CAMKMT: variants seen among roughly 807,000 people sequenced by gnomAD.
CAMKMT encodes CaM KMT.
A neutral mutation model predicts 48.0 loss-of-function variants in CAMKMT; 53 were observed. That is an observed-to-expected ratio of 1.10 (90% confidence interval 0.89 to 1.39). CAMKMT has a LOEUF of 1.39. Ranked by LOEUF, CAMKMT falls within the 40% of genes most tolerant of loss-of-function variation. The pLI, the probability that CAMKMT is intolerant of heterozygous loss-of-function variation, is 0.00. For synonymous variants in CAMKMT, 165 were observed against 152.3 expected (o/e 1.08, Z -0.61); for missense variants, 428 against 402.7 (o/e 1.06, Z -0.54).
intron 8 of CAMKMT, among the ~76,000 whole-genome samples, chr2:44,753,254 A>G (rs1277375752): frequency 5.7e-5 from 6 of 105,242 alleles, no homozygotes; most frequent in Non-Finnish European, 8.8e-5. Context: ...CCCTACAAAA[A>G]AAAAAAAAAA....
At chr2:44,506,840 T>C (rs934356244) in intron 3 of CAMKMT, among the ~76,000 whole-genome samples, 1 of 152,174 alleles carries the variant, frequency 6.6e-6, no homozygotes, top group Non-Finnish European at 1.5e-5. Context: ...TTAGCTAATA[T>C]TACTTTAAAT....
At position 44,372,842 on chromosome 2, in the gene CAMKMT, G is replaced by A. The variant is rs1273801304; in HGVS notation, c.265G>A (p.Val89Ile). Residue 89 changes from valine (V) to isoleucine (I), a missense_variant, in exon 2 of 11, where the codon GTC (valine) becomes ATC (isoleucine). By Grantham distance (29) the Val-to-Ile change is conservative. Coordinates refer to ENST00000378494, the MANE Select transcript of CAMKMT (RefSeq NM_024766.5). Reference sequence around the variant, plus strand: ...AACTGAAGAGGAGGTTGGTGCATGGGTCCAATATACAAGCATCTTCTGTCC... The same window carrying A: ...AACTGAAGAGGAGGTTGGTGCATGGATCCAATATACAAGCATCTTCTGTCC... ...RETEEEVGAWVQYTSIFCPEY... is the reference protein window; with the variant it reads ...RETEEEVGAWIQYTSIFCPEY... The A allele has an allele frequency of 6.2e-7, 1 of 1,613,746 alleles. No homozygotes were observed. Among genetic ancestry groups the A allele is most frequent in the African/African-American group, 1.3e-5 (1 of 74,890 alleles).
intron 2 of CAMKMT, among the ~76,000 whole-genome samples, chr2:44,385,289 C>T (rs758462698): frequency 1.3e-5 from 2 of 151,742 alleles, no homozygotes; most frequent in Non-Finnish European, 2.9e-5. Context: ...ACTTGGTTGC[C>T]GTTGGTGTAT....
chr2:44,508,612 G>A (rs1371259807), intron 3 of CAMKMT, among the ~76,000 whole-genome samples: 1 of 152,144 alleles, frequency 6.6e-6, no homozygotes, highest in African/African-American at 2.4e-5. Flanking sequence ...ATACGTATGT[G>A]TATATGTAGG....
intron 3 of CAMKMT, among the ~76,000 whole-genome samples, chr2:44,614,573 G>A (rs890066961): frequency 5.3e-5 from 8 of 152,090 alleles, no homozygotes; most frequent in Non-Finnish European, 1.0e-4. Flanking sequence ...AAAATATAGA[G>A]TATAACAGAT....
At chr2:44,601,259 C>A (rs1195142547) in intron 3 of CAMKMT, among the ~76,000 whole-genome samples, 1 of 152,010 alleles carries the variant, frequency 6.6e-6, no homozygotes, top group Non-Finnish European at 1.5e-5. Context: ...GAGTTTGAGA[C>A]CAGCCTGACC....
chr2:44,492,172 T>G (rs1384828739), intron 3 of CAMKMT, among the ~76,000 whole-genome samples: 1 of 148,208 alleles, frequency 6.7e-6, no homozygotes, highest in African/African-American at 2.5e-5. Flanking sequence ...AACATTTGAG[T>G]TTTTTTTTTG....
chr2:44,727,979 G>A (rs370572990), intron 7 of CAMKMT, among the ~76,000 whole-genome samples: 1 of 152,214 alleles, frequency 6.6e-6, no homozygotes, highest in Non-Finnish European at 1.5e-5. Context: ...CTGGAGTGCA[G>A]TGGTGTGACC....
intron 3 of CAMKMT, among the ~76,000 whole-genome samples, chr2:44,517,450 G>A (rs549758035): frequency 1.3e-5 from 2 of 152,204 alleles, no homozygotes; most frequent in East Asian, 1.9e-4. Context: ...TGTGAGTATG[G>A]GATTTTATTC....
intron 3 of CAMKMT, among the ~76,000 whole-genome samples, chr2:44,453,760 C>A (rs1667418033): frequency 6.6e-6 from 1 of 152,070 alleles, no homozygotes; most frequent in South Asian, 2.1e-4. Flanking sequence ...TAATGAATTA[C>A]TGAAACATCA....
chr2:44,693,152 G>A (rs557379373), intron 3 of CAMKMT, among the ~76,000 whole-genome samples: 1 of 152,252 alleles, frequency 6.6e-6, no homozygotes, highest in South Asian at 2.1e-4. Context: ...GATATTAGTA[G>A]TAGCCTCCTG....
chr2:44,684,440 T>G (rs1676216713), intron 3 of CAMKMT, among the ~76,000 whole-genome samples: 1 of 152,098 alleles, frequency 6.6e-6, no homozygotes, highest in African/African-American at 2.4e-5. Flanking sequence ...AGAAAACAAT[T>G]TTCTATATGG....
chr2:44,742,614 G>A (rs943912486), intron 7 of CAMKMT, among the ~76,000 whole-genome samples: 22 of 151,996 alleles, frequency 1.4e-4, no homozygotes, highest in Non-Finnish European at 2.8e-4. Context: ...GTATTTTTGT[G>A]GTGATGTCTT....
chr2:44,541,724 G>T (rs956803196), intron 3 of CAMKMT, among the ~76,000 whole-genome samples: 2 of 149,992 alleles, frequency 1.3e-5, no homozygotes, highest in African/African-American at 4.9e-5. Flanking sequence ...TGAGCCATGA[G>T]TGTGCCACTG....
intron 3 of CAMKMT, among the ~76,000 whole-genome samples, chr2:44,673,876 T>TA (rs1178090013): frequency 6.6e-6 from 1 of 152,160 alleles, no homozygotes; most frequent in Non-Finnish European, 1.5e-5. Context: ...CAGCCGAGCA[T>TA]AATGGAACAG....
intron 4 of CAMKMT, among the ~76,000 whole-genome samples, chr2:44,704,681 C>CAA (rs1325192887): frequency 0.065 from 5,253 of 81,200 alleles, 214 homozygotes; most frequent in African/African-American, 0.16. Context: ...TTGTGAAGGT[C>CAA]AAAAAAAAAA....
intron 3 of CAMKMT, among the ~76,000 whole-genome samples, chr2:44,640,285 A>G (rs941401172): frequency 9.2e-5 from 14 of 152,210 alleles, no homozygotes; most frequent in African/African-American, 3.4e-4. Flanking sequence ...AATACAATAC[A>G]AAGAAATATC....
chr2:44,766,638 A>G, intron 10 of CAMKMT, 77 bp downstream of exon 10: 4 of 1,522,652 alleles, frequency 2.6e-6, no homozygotes, highest in Non-Finnish European at 2.7e-6. Flanking sequence ...TTTGGCAGGT[A>G]ACCTAAATAT....
chr2:44,469,510 T>A (rs900858149), intron 3 of CAMKMT, among the ~76,000 whole-genome samples: 5 of 151,006 alleles, frequency 3.3e-5, no homozygotes, highest in Non-Finnish European at 7.4e-5. Flanking sequence ...TTGTAATCCA[T>A]TACTTTTCTT....
Sources: allele counts gnomAD v4.1 joint callset (sites outside exome capture counted in the v4.1 genomes callset), GRCh38; gene constraint gnomAD v4.1.1; transcripts MANE v1.5; gene names NCBI Gene and HGNC (gene_info 2026-07-23, HGNC 2026-07-21).